BMPR1B: variants seen among roughly 807,000 people sequenced by gnomAD.
BMPR1B encodes the protein bone morphogenetic protein receptor type 1B.
In BMPR1B, 12 loss-of-function variants were observed where a neutral mutation model predicts 59.1. The observed-to-expected ratio is 0.20, with a 90% CI of 0.13 to 0.33. The LOEUF (loss-of-function observed/expected upper bound fraction) is 0.33. Ranked by LOEUF, BMPR1B falls within the 10% of genes least tolerant of loss-of-function variation. BMPR1B has a pLI of 1.00. For synonymous variants in BMPR1B, 237 were observed against 207.3 expected, an observed-to-expected ratio of 1.14 and a Z score of -1.23; for missense variants, 550 against 610.9, an observed-to-expected ratio of 0.90 and a Z score of 1.05.
chr4:94,812,661 A>G (rs1422452822), intron 1 of BMPR1B, among the ~76,000 whole-genome samples: 1 of 152,188 alleles, frequency 6.6e-6, no homozygotes. Context: ...TGTTGAAAAG[A>G]CTAGAGACGG....
intron 2 of BMPR1B, 22 bp from the exon 3 acceptor site, chr4:94,996,018 A>G (rs1722031498): frequency 6.6e-6 from 1 of 152,178 alleles, no homozygotes; most frequent in African/African-American, 2.4e-5. Context: ...TTTTCTGAAA[A>G]TGTATTCTTT....
intron 3 of BMPR1B, among the ~76,000 whole-genome samples, chr4:95,006,543 T>G (rs1476017754): frequency 1.3e-5 from 1 of 79,936 alleles, no homozygotes; most frequent in African/African-American, 8.4e-5. Flanking sequence ...TACCTTCTGA[T>G]TTTTTTTTTT....
chr4:94,986,358 C>G (rs551290719), intron 2 of BMPR1B, among the ~76,000 whole-genome samples: 1 of 152,216 alleles, frequency 6.6e-6, no homozygotes, highest in African/African-American at 2.4e-5. Flanking sequence ...CAAAACAAAA[C>G]TCAGAGTACA....
At position 95,131,265 on chromosome 4, in the gene BMPR1B, C is replaced by A; in HGVS notation, c.829C>A (p.Leu277Ile). The change falls in exon 10 of 13, where the codon CTA (leucine) becomes ATA (isoleucine). Residue 277 changes from leucine to isoleucine, a missense_variant. Physicochemically the swap from Leu to Ile is conservative, Grantham distance 5. Transcript: ENST00000515059. ...GACAGGGTCCTGGACCCAGTTGTAC[C>A]TAATCACAGACTATCATGAAAATGG... The part of the protein sequence containing the change: ...KGTGSWTQLY[L>I]ITDYHENGSL... The A allele has an allele frequency of 1.9e-6, 3 of 1,613,790 alleles. No individual in the cohort carries two copies. In the South Asian group the frequency reaches 3.3e-5, roughly 18 times the overall value.
chr4:95,072,465 A>G (rs975670375), intron 3 of BMPR1B, among the ~76,000 whole-genome samples: 1 of 152,208 alleles, frequency 6.6e-6, no homozygotes, highest in African/African-American at 2.4e-5. Context: ...GGATTGAGCA[A>G]GAAGGTCAGA....
intron 2 of BMPR1B, among the ~76,000 whole-genome samples, chr4:94,936,079 G>C (rs1274910918): frequency 6.6e-6 from 1 of 152,134 alleles, no homozygotes; most frequent in Non-Finnish European, 1.5e-5. Context: ...GATAAAGTCA[G>C]AAAAGAGTGC....
chr4:95,078,173 A>G (rs1728853829), intron 3 of BMPR1B, among the ~76,000 whole-genome samples: 1 of 152,218 alleles, frequency 6.6e-6, no homozygotes, highest in African/African-American at 2.4e-5. Context: ...AGTAACTTCA[A>G]TTAGCTAAAA....
rs1190618723 is a variant in BMPR1B at position 95,148,905 on chromosome 4, A to G, written c.1234A>G (p.Arg412Gly). 6.8e-6 allele frequency: 11 copies of G among 1,613,992 alleles called. No homozygotes were observed. Among genetic ancestry groups the G allele is most frequent in the Non-Finnish European group, 8.5e-6 (10 of 1,179,900 alleles). ...SFGLILWEVA[R>G]RCVSGGIVEE... ...TGGCCTCATCCTTTGGGAGGTTGCT[A>G]GGAGATGTGTATCAGGAGGTAAGAA... The change falls in exon 11 of 13, where the codon AGG (arginine) becomes GGG (glycine). Residue 412 changes from arginine (R) to glycine (G), a missense_variant. This residue lies in a region of BMPR1B where 123 missense variants were observed against 164.6 expected (regional missense o/e 0.75). Transcript: ENST00000515059.
intron 3 of BMPR1B, among the ~76,000 whole-genome samples, chr4:95,045,861 A>G (rs575341627): frequency 6.6e-6 from 1 of 152,162 alleles, no homozygotes; most frequent in Non-Finnish European, 1.5e-5. Context: ...AATATAGCAA[A>G]TAGTGAATGT....
At chr4:95,001,358 AG>A (rs55924415) in intron 3 of BMPR1B, among the ~76,000 whole-genome samples, 3 of 1,300 alleles carry the variant, frequency 2.3e-3, no homozygotes, top group African/African-American at 5.6e-3. Flanking sequence ...GGAAGAATTA[AG>A]ATGGTATTTC....
chr4:94,988,209 A>G lies in BMPR1B; in HGVS notation c.-112-7831A>G, dbSNP rs562812047. 1.2e-4 allele frequency among the ~76,000 whole-genome samples: 18 copies of G among 152,246 alleles called. No individual in the cohort carries two copies. In the East Asian group the frequency reaches 3.5e-3, roughly 29 times the overall value. ...TGATATTGTCCTTCATGTCATATAA[A>G]TATACATTTAGCTCTAGGAGAAAAA... On this transcript the variant is annotated intron_variant, in intron 2 of 12. Transcript: ENST00000515059.
rs143265438 is a variant in BMPR1B, at chr4:94,977,596, C to T, written c.-112-18444C>T. ...AAAAATGGCCAGGCACAGTGGCTCA[C>T]GCTTGTAATCCCAGCACTTTGGGAG... is the stretch of plus-strand genomic sequence containing the variant. On this transcript the variant is annotated intron_variant, in intron 2 of 12. Transcript: ENST00000515059. 2.0e-3 allele frequency among the ~76,000 whole-genome samples: 300 copies of T among 151,952 alleles called. 1 individual carries two copies. The highest frequency in any genetic ancestry group is 0.01 in the East Asian group (53 of 5,154).
chr4:94,944,691 A>T (rs977526449), intron 2 of BMPR1B, among the ~76,000 whole-genome samples: 6 of 152,246 alleles, frequency 3.9e-5, no homozygotes, highest in Non-Finnish European at 7.3e-5. Flanking sequence ...AGTGAAGCTT[A>T]CTGAAAGCAG....
rs148702851 is a variant in BMPR1B, at chr4:94,874,757, C to T, written c.-182-1074C>T. Among the ~76,000 whole-genome samples the T allele has an allele frequency of 3.0e-3, 455 of 152,128 alleles. 5 individuals are homozygous for T. Among genetic ancestry groups the T allele is most frequent in the Non-Finnish European group, 4.4e-3 (300 of 67,984 alleles). The stretch of plus-strand genomic sequence containing the variant: ...CTGTAATCCCAGGACTTTGGGAGGC[C>T]GAGGCGGGTAGATCACTTGAGGTCA... On this transcript the variant is annotated intron_variant, in intron 1 of 12. Coordinates refer to ENST00000515059, the MANE Select transcript of BMPR1B (RefSeq NM_001203.3).
intron 3 of BMPR1B, among the ~76,000 whole-genome samples, chr4:95,030,461 G>C (rs1344037846): frequency 6.6e-6 from 1 of 152,066 alleles, no homozygotes; most frequent in Non-Finnish European, 1.5e-5. Flanking sequence ...GCTCTGTTCT[G>C]TTCAGGGATG....
intron 2 of BMPR1B, among the ~76,000 whole-genome samples, chr4:94,949,504 G>A (rs1402790388): frequency 1.0e-5 from 1 of 98,086 alleles, no homozygotes; most frequent in Admixed American, 9.4e-5. Context: ...TTTTAGTAGA[G>A]ACGGGGTTTC....
intron 2 of BMPR1B, among the ~76,000 whole-genome samples, chr4:94,893,685 T>G (rs1388865980): frequency 1.3e-5 from 2 of 151,958 alleles, no homozygotes; most frequent in African/African-American, 4.8e-5. Context: ...CTCACATGAC[T>G]TGAGGTGAAA....
chr4:95,090,982 A>G (rs1351776669), intron 3 of BMPR1B, among the ~76,000 whole-genome samples: 1 of 152,058 alleles, frequency 6.6e-6, no homozygotes, highest in Non-Finnish European at 1.5e-5. Context: ...GTAAAGGTAA[A>G]CCTCTTTAAT....
chr4:94,999,259 T>C (rs1722275379), intron 3 of BMPR1B, among the ~76,000 whole-genome samples: 1 of 152,220 alleles, frequency 6.6e-6, no homozygotes, highest in Non-Finnish European at 1.5e-5. Context: ...ACAAAAACTT[T>C]ATCATACTTA....
Sources: allele counts gnomAD v4.1 joint callset (sites outside exome capture counted in the v4.1 genomes callset), GRCh38; gene constraint gnomAD v4.1.1; regional missense constraint gnomAD v4.1.1; transcripts MANE v1.5; gene names NCBI Gene and HGNC (gene_info 2026-07-23, HGNC 2026-07-21).